LRMDA: variants seen among roughly 807,000 people sequenced by gnomAD.
LRMDA encodes leucine rich melanocyte differentiation associated.
LRMDA carries 18 observed loss-of-function variants against 29.8 expected under a neutral mutation model. The observed-to-expected ratio is 0.60, with a 90% CI of 0.42 to 0.90. LRMDA has a LOEUF of 0.90. LRMDA is among the 40% of genes least tolerant of loss of function. The probability of loss-of-function intolerance (pLI) is 0.00; values close to 1 mark genes in which losing one functional copy is unlikely to be tolerated. For synonymous variants in LRMDA, 125 were observed against 109.4 expected (o/e 1.14, Z -0.89); for missense variants, 273 against 273.9 (o/e 1.00, Z 0.02).
At chr10:76,266,240 C>CT (rs5786224) in intron 5 of LRMDA, among the ~76,000 whole-genome samples, 98,531 of 151,718 alleles carry the variant, frequency 0.65, 32,132 homozygotes, top group East Asian at 0.85. Context: ...TAATAATCAT[C>CT]TTTTTTTGTA....
intron 6 of LRMDA, among the ~76,000 whole-genome samples, chr10:76,530,096 C>T (rs564313731): frequency 6.6e-6 from 1 of 152,106 alleles, no homozygotes; most frequent in Non-Finnish European, 1.5e-5. Flanking sequence ...CTTCATTTGG[C>T]AATGGATAGG....
At chr10:75,689,823 G>A (rs1420237403) in intron 2 of LRMDA, among the ~76,000 whole-genome samples, 2 of 152,192 alleles carry the variant, frequency 1.3e-5, no homozygotes, top group Non-Finnish European at 2.9e-5. Context: ...GAGGGAAGGC[G>A]CCTGCACTGG....
intron 5 of LRMDA, among the ~76,000 whole-genome samples, chr10:76,261,678 C>T (rs550170270): frequency 6.6e-6 from 1 of 152,264 alleles, no homozygotes; most frequent in South Asian, 2.1e-4. Flanking sequence ...AACACACATG[C>T]CTTCAATAAT....
At chr10:75,485,886 A>G (rs1468258149) in intron 2 of LRMDA, among the ~76,000 whole-genome samples, 2 of 152,164 alleles carry the variant, frequency 1.3e-5, no homozygotes, top group Non-Finnish European at 2.9e-5. Context: ...CTGCTATTTT[A>G]TAATTTCTTA....
At chr10:75,741,138 GA>G (rs1265142283) in intron 2 of LRMDA, among the ~76,000 whole-genome samples, 3 of 152,180 alleles carry the variant, frequency 2.0e-5, no homozygotes, top group Non-Finnish European at 4.4e-5. Context: ...TATCAGATAG[GA>G]AACAGATAGC....
At chr10:75,727,078 T>C (rs549913878) in intron 2 of LRMDA, among the ~76,000 whole-genome samples, 13 of 152,322 alleles carry the variant, frequency 8.5e-5, no homozygotes, top group African/African-American at 2.9e-4. Flanking sequence ...GTGTGGCCTG[T>C]TTCGCTAGCT....
At chr10:75,631,159 G>C (rs1841316702) in intron 2 of LRMDA, among the ~76,000 whole-genome samples, 1 of 152,080 alleles carries the variant, frequency 6.6e-6, no homozygotes, top group Non-Finnish European at 1.5e-5. Flanking sequence ...TGTTTCCACA[G>C]AATCTTCTCA....
intron 6 of LRMDA, among the ~76,000 whole-genome samples, chr10:76,331,496 C>G (rs1197527794): frequency 6.6e-6 from 1 of 152,036 alleles, no homozygotes; most frequent in Admixed American, 6.5e-5. Flanking sequence ...AGAAGCACAA[C>G]AGATCCAAAT....
intron 2 of LRMDA, among the ~76,000 whole-genome samples, chr10:75,819,487 T>G (rs1844119633): frequency 6.6e-6 from 1 of 152,080 alleles, no homozygotes; most frequent in African/African-American, 2.4e-5. Context: ...GCTTCTAGAG[T>G]TCAATTGCTC....
chr10:76,118,840 C>CTTTTTTTTTTTTTTTTTTTTTT lies in LRMDA; in HGVS notation c.516+60061_516+60082dup, dbSNP rs962279433. Among the ~76,000 whole-genome samples, 3 of 45,972 alleles carry CTTTTTTTTTTTTTTTTTTTTTT rather than the reference C, an allele frequency of 6.5e-5. 1 individual carries two copies. Among genetic ancestry groups the CTTTTTTTTTTTTTTTTTTTTTT allele is most frequent in the Non-Finnish European group, 4.2e-5 (1 of 23,656 alleles). 30.2% of individuals were successfully genotyped at this position (45,972 alleles called of 152,430 possible). ...AGAAAAATCAGCCTGTGCAAATACA[C>CTTTTTTTTTTTTTTTTTTTTTT]TTTTTTTTTTTTTTTTTTTTTTTTT... is the stretch of plus-strand genomic sequence containing the variant. On this transcript the variant is annotated intron_variant, in intron 5 of 6. Coordinates refer to ENST00000611255, the MANE Select transcript of LRMDA (RefSeq NM_001305581.2).
At chr10:76,504,088 C>A (rs1181778981) in intron 6 of LRMDA, among the ~76,000 whole-genome samples, 1 of 151,718 alleles carries the variant, frequency 6.6e-6, no homozygotes, top group Non-Finnish European at 1.5e-5. Flanking sequence ...TTTGTTCATG[C>A]AAGAGTTACT....
chr10:76,546,911 A>G (rs1843426920), intron 6 of LRMDA, among the ~76,000 whole-genome samples: 1 of 152,172 alleles, frequency 6.6e-6, no homozygotes, highest in South Asian at 2.1e-4. Context: ...CCAGAGACCA[A>G]TGATGGGGAT....
At chr10:75,614,640 G>T (rs1315407558) in intron 2 of LRMDA, among the ~76,000 whole-genome samples, 1 of 152,164 alleles carries the variant, frequency 6.6e-6, no homozygotes, top group Non-Finnish European at 1.5e-5. Flanking sequence ...AGGAGAGGGG[G>T]CACTTCAGTC....
At chr10:76,280,261 G>C (rs190668256) in intron 5 of LRMDA, among the ~76,000 whole-genome samples, 2 of 152,254 alleles carry the variant, frequency 1.3e-5, no homozygotes, top group East Asian at 3.9e-4. Flanking sequence ...TGGTGGATGT[G>C]ATGGAAAGAA....
At chr10:75,755,778 C>A (rs1339315999) in intron 2 of LRMDA, among the ~76,000 whole-genome samples, 1 of 152,184 alleles carries the variant, frequency 6.6e-6, no homozygotes, top group Non-Finnish European at 1.5e-5. Flanking sequence ...CCAGGCTGTG[C>A]AGTGGGGAGC....
At chr10:76,508,605 T>TA (rs1564561959) in intron 6 of LRMDA, among the ~76,000 whole-genome samples, 1 of 152,152 alleles carries the variant, frequency 6.6e-6, no homozygotes, top group Non-Finnish European at 1.5e-5. Context: ...TTTTTTTTTT[T>TA]ACATGCCCTT....
At chr10:76,398,916 T>TAGCTTTGGGAAGCTAAA (rs1211833651) in intron 6 of LRMDA, among the ~76,000 whole-genome samples, 1 of 152,216 alleles carries the variant, frequency 6.6e-6, no homozygotes, top group Non-Finnish European at 1.5e-5. Flanking sequence ...CAAATTTAAT[T>TAGCTTTGGGAAGCTAAA]AACCTCTGAT....
intron 2 of LRMDA, among the ~76,000 whole-genome samples, chr10:75,636,757 T>G (rs10437387): frequency 0.046 from 6,968 of 152,292 alleles, 416 homozygotes; most frequent in African/African-American, 0.13. Flanking sequence ...ACCTGCAGTT[T>G]AGCTACTCTT....
intron 2 of LRMDA, among the ~76,000 whole-genome samples, chr10:75,586,686 A>G (rs957466618): frequency 1.3e-5 from 2 of 151,952 alleles, no homozygotes; most frequent in African/African-American, 2.4e-5. Flanking sequence ...GTATGAGGTG[A>G]TAACTCATGG....
Sources: allele counts gnomAD v4.1 joint callset (sites outside exome capture counted in the v4.1 genomes callset), GRCh38; gene constraint gnomAD v4.1.1; transcripts MANE v1.5; gene names NCBI Gene and HGNC (gene_info 2026-07-23, HGNC 2026-07-21).